The following MAP2 variants were observed in gnomAD, a reference collection of about 807,000 sequenced individuals.
The protein encoded by MAP2 is microtubule-associated protein 2.
MAP2 carries 14 observed loss-of-function variants against 137.6 expected under a neutral mutation model. That is an observed-to-expected ratio of 0.10 (90% CI 0.07 to 0.16). MAP2 has a LOEUF of 0.16. MAP2 is among the 10% of genes least tolerant of loss of function. The pLI, the probability that MAP2 is intolerant of heterozygous loss-of-function variation, is 1.00. For missense variants in MAP2, 2,088 were observed against 2,191.5 expected (o/e 0.95, Z 0.94); for synonymous variants, 786 against 782.3 (o/e 1.00, Z -0.08).
chr2:209,493,772 G>C (rs1341414471), intron 1 of MAP2, among the ~76,000 whole-genome samples: 6 of 152,174 alleles, frequency 3.9e-5, no homozygotes, highest in Non-Finnish European at 7.3e-5. Flanking sequence ...TCATTAAAAA[G>C]TCAGGAAACA....
chr2:209,692,317 A>G (rs2059122224), intron 7 of MAP2, among the ~76,000 whole-genome samples: 1 of 147,656 alleles, frequency 6.8e-6, no homozygotes, highest in African/African-American at 2.5e-5. Context: ...AATACACATC[A>G]CATAATGTTT....
intron 1 of MAP2, among the ~76,000 whole-genome samples, chr2:209,453,068 T>C (rs1182309042): frequency 6.6e-6 from 1 of 152,214 alleles, no homozygotes; most frequent in Non-Finnish European, 1.5e-5. Context: ...TGCATGTCTA[T>C]ATTTTAAGTG....
intron 3 of MAP2, among the ~76,000 whole-genome samples, chr2:209,586,861 TGG>T (rs768194969): frequency 1.2e-4 from 18 of 152,160 alleles, no homozygotes; most frequent in Non-Finnish European, 2.4e-4. Flanking sequence ...GAGGAGTGGT[TGG>T]TGAGCAAGTC....
chr2:209,575,168 C>T (rs994688343), intron 2 of MAP2, among the ~76,000 whole-genome samples: 12 of 152,152 alleles, frequency 7.9e-5, no homozygotes, highest in African/African-American at 2.9e-4. Flanking sequence ...AGACAAGTCT[C>T]TATTTAAAAT....
rs3036663 is a variant in MAP2 at position 209,583,147 on chromosome 2, GTCTA to G, written c.-107+3083_-107+3086del. ...TATCTATCTATCCATCTGTCTGTCTGTCTATCTATCTATCTATCTATCTATCTAT... is the reference window on the plus strand; with the variant it reads ...TATCTATCTATCCATCTGTCTGTCTGTCTATCTATCTATCTATCTATCTAT... On this transcript the variant is annotated intron_variant, in intron 3 of 15. Transcript: ENST00000682079. 1.2e-3 allele frequency among the ~76,000 whole-genome samples: 178 copies of G among 147,262 alleles called. 1 individual carries two copies. The highest frequency in any genetic ancestry group is 2.6e-3 in the African/African-American group (103 of 39,306).
At chr2:209,687,819 A>C (rs947844847) in intron 7 of MAP2, among the ~76,000 whole-genome samples, 1 of 152,084 alleles carries the variant, frequency 6.6e-6, no homozygotes, top group Non-Finnish European at 1.5e-5. Context: ...CCTCCATCTC[A>C]GTGTCTGTGC....
intron 1 of MAP2, among the ~76,000 whole-genome samples, chr2:209,453,230 A>T (rs950591210): frequency 1.1e-4 from 17 of 150,338 alleles, no homozygotes; most frequent in African/African-American, 3.9e-4. Context: ...AGCTATCTGA[A>T]CCCCTGGATA....
At chr2:209,637,639 CA>C (rs2093675544) in intron 4 of MAP2, among the ~76,000 whole-genome samples, 1 of 151,954 alleles carries the variant, frequency 6.6e-6, no homozygotes, top group Non-Finnish European at 1.5e-5. Flanking sequence ...CTAACCTAAC[CA>C]TCAGCCTCAC....
At chr2:209,515,461 C>A (rs568366626) in intron 2 of MAP2, among the ~76,000 whole-genome samples, 1 of 152,146 alleles carries the variant, frequency 6.6e-6, no homozygotes, top group East Asian at 1.9e-4. Flanking sequence ...ATGGTGCAAG[C>A]GGAAGCAGGC....
intron 5 of MAP2, among the ~76,000 whole-genome samples, chr2:209,659,209 T>C (rs951161073): frequency 2.0e-5 from 3 of 152,226 alleles, no homozygotes; most frequent in Admixed American, 2.0e-4. Flanking sequence ...TTTATAAATA[T>C]GCTACTCATT....
intron 2 of MAP2, among the ~76,000 whole-genome samples, chr2:209,561,035 C>A (rs960681600): frequency 7.9e-5 from 12 of 152,092 alleles, no homozygotes; most frequent in African/African-American, 2.4e-4. Flanking sequence ...TTCTTTATAT[C>A]TTCATCTGGA....
At position 209,532,592 on chromosome 2, in the gene MAP2, A is replaced by G. The variant is rs183906252; in HGVS notation, c.-172+24951A>G. Among the ~76,000 whole-genome samples the G allele has an allele frequency of 2.0e-4, 31 of 152,298 alleles. No homozygotes were observed. In the East Asian group the frequency reaches 3.1e-3, roughly 15 times the overall value. On this transcript the variant is annotated intron_variant, in intron 2 of 15. Transcript: ENST00000682079. ...ATCCAGTGCCTGCCCTCTAAAGTAT[A>G]CTATGATGCCTATGTGCCTAATCTC...
At chr2:209,441,279 T>C (rs1697696885) in intron 1 of MAP2, among the ~76,000 whole-genome samples, 1 of 151,586 alleles carries the variant, frequency 6.6e-6, no homozygotes, top group Admixed American at 6.6e-5. Context: ...AACAAGGTTG[T>C]TTTTCTTCAC....
chr2:209,693,015 C>T lies in MAP2; in HGVS notation c.845C>T (p.Ala282Val). The change falls in exon 8 of 16, where the codon GCC becomes GTC. Residue 282 changes from alanine to valine, a missense_variant. By Grantham distance (64) the Ala-to-Val change is moderately conservative. Transcript: ENST00000682079. ...AAAAAGGATGAGTGGGGTTTAGTTG[C>T]CCCCATATCTCCTGGCCCTCTGACT... is the stretch of plus-strand genomic sequence containing the variant. ...EAKKDEWGLV[A>V]PISPGPLTPM... 6.2e-7 allele frequency: 1 copy of T among 1,612,544 alleles called. No homozygotes were observed. The highest frequency in any genetic ancestry group is 8.5e-7 in the Non-Finnish European group (1 of 1,179,526).
chr2:209,544,868 G>T (rs1270070872), intron 2 of MAP2, among the ~76,000 whole-genome samples: 2 of 152,174 alleles, frequency 1.3e-5, no homozygotes. Context: ...ATTACAGCAA[G>T]TACTTGATTA....
At chr2:209,536,906 A>G (rs2066034450) in intron 2 of MAP2, among the ~76,000 whole-genome samples, 1 of 152,212 alleles carries the variant, frequency 6.6e-6, no homozygotes, top group Non-Finnish European at 1.5e-5. Flanking sequence ...GCATCGAACC[A>G]GTGTTTCCTC....
chr2:209,576,010 T>C (rs779111943), intron 2 of MAP2, among the ~76,000 whole-genome samples: 2 of 152,154 alleles, frequency 1.3e-5, no homozygotes, highest in African/African-American at 2.4e-5. Context: ...TATTCATTCC[T>C]GGAGAGTTTA....
intron 6 of MAP2, among the ~76,000 whole-genome samples, chr2:209,679,006 C>T (rs966403605): frequency 5.3e-5 from 8 of 151,946 alleles, no homozygotes; most frequent in Non-Finnish European, 1.2e-4. Flanking sequence ...TGACCTCCAC[C>T]CATAAGGATA....
chr2:209,588,524 C>T (rs1579365654), intron 3 of MAP2, among the ~76,000 whole-genome samples: 1 of 152,268 alleles, frequency 6.6e-6, no homozygotes. Context: ...TTCTTCACCA[C>T]GTGTAGGAAC....
Sources: allele counts gnomAD v4.1 joint callset (sites outside exome capture counted in the v4.1 genomes callset), GRCh38; gene constraint gnomAD v4.1.1; transcripts MANE v1.5; gene names NCBI Gene and HGNC (gene_info 2026-07-23, HGNC 2026-07-21).